Variants in COL14A1 observed in about 807,000 individuals in gnomAD.
COL14A1 encodes the protein collagen type XIV alpha 1 chain, also known as collagen alpha-1(XIV) chain.
In COL14A1, 136 loss-of-function variants were observed where a neutral mutation model predicts 230.3. That is an observed-to-expected ratio of 0.59 (90% CI 0.51 to 0.68). The LOEUF (loss-of-function observed/expected upper bound fraction) is 0.68. Among genes scored for constraint, COL14A1 ranks in the 30% least tolerant of loss-of-function variants. The probability of loss-of-function intolerance (pLI) is 0.00; values close to 1 mark genes in which losing one functional copy is unlikely to be tolerated. For synonymous variants in COL14A1, 792 were observed against 784.1 expected, an observed-to-expected ratio of 1.01 and a Z score of -0.17; for missense variants, 1,976 against 2,215.8, an observed-to-expected ratio of 0.89 and a Z score of 2.17.
At chr8:120,325,035 G>A (rs1821610594) in intron 40 of COL14A1, among the ~76,000 whole-genome samples, 1 of 152,020 alleles carries the variant, frequency 6.6e-6, no homozygotes, top group South Asian at 2.1e-4. Context: ...GTTAAGAAAT[G>A]TTTAATTAAA....
intron 14 of COL14A1, among the ~76,000 whole-genome samples, chr8:120,224,744 T>C (rs1818042042): frequency 6.6e-6 from 1 of 152,218 alleles, no homozygotes; most frequent in African/African-American, 2.4e-5. Flanking sequence ...TACTTAGCTA[T>C]GGGGCCAGGA....
chr8:120,252,389 A>T (rs1334232910), intron 22 of COL14A1, among the ~76,000 whole-genome samples: 2 of 152,150 alleles, frequency 1.3e-5, no homozygotes, highest in African/African-American at 4.8e-5. Flanking sequence ...ATCACTCAAA[A>T]TTTTTAATCA....
At chr8:120,303,148 T>A (rs1042810897) in intron 36 of COL14A1, among the ~76,000 whole-genome samples, 6 of 152,160 alleles carry the variant, frequency 3.9e-5, no homozygotes, top group Non-Finnish European at 5.9e-5. Flanking sequence ...GCTAAGATGA[T>A]GGGGTTTTCT....
chr8:120,224,082 A>T (rs140106356), intron 14 of COL14A1, among the ~76,000 whole-genome samples: 1,556 of 125,360 alleles, frequency 0.012, 21 homozygotes, highest in African/African-American at 0.045. Context: ...GCTGGAGTGC[A>T]GTGGCATGAT....
intron 5 of COL14A1, among the ~76,000 whole-genome samples, chr8:120,194,545 T>G (rs1816959952): frequency 6.6e-6 from 1 of 152,228 alleles, no homozygotes; most frequent in East Asian, 1.9e-4. Context: ...TAGTTCTATA[T>G]CTTGTTTAGG....
chr8:120,197,725 C>CT (rs1817086572), intron 6 of COL14A1, 86 bp from the exon 7 acceptor site: 1 of 1,468,130 alleles, frequency 6.8e-7, no homozygotes, highest in Non-Finnish European at 9.2e-7. Context: ...AAGATGAGGC[C>CT]TTTCGTCATT....
intron 19 of COL14A1, among the ~76,000 whole-genome samples, chr8:120,236,679 T>C (rs2130832327): frequency 6.6e-6 from 1 of 152,334 alleles, no homozygotes; most frequent in Non-Finnish European, 1.5e-5. Flanking sequence ...GCTGGTTATT[T>C]AGCCCATTAG....
At chr8:120,350,655 G>A (rs915833416) in intron 45 of COL14A1, among the ~76,000 whole-genome samples, 2 of 147,474 alleles carry the variant, frequency 1.4e-5, no homozygotes, top group African/African-American at 2.5e-5. Flanking sequence ...ATTACATAAT[G>A]GTAAAGGGAT....
chr8:120,303,859 A>G (rs963645951), intron 36 of COL14A1, among the ~76,000 whole-genome samples: 46 of 151,922 alleles, frequency 3.0e-4, no homozygotes, highest in Non-Finnish European at 4.9e-4. Flanking sequence ...CTGTGAATCC[A>G]TCTGGCCCTG....
intron 25 of COL14A1, among the ~76,000 whole-genome samples, chr8:120,269,602 T>G (rs1035124476): frequency 6.6e-6 from 1 of 151,796 alleles, no homozygotes; most frequent in African/African-American, 2.4e-5. Flanking sequence ...ATTGAATCTC[T>G]CTGACATTAA....
At chr8:120,185,110 T>C (rs1302827375) in intron 5 of COL14A1, among the ~76,000 whole-genome samples, 1 of 152,176 alleles carries the variant, frequency 6.6e-6, no homozygotes, top group Non-Finnish European at 1.5e-5. Context: ...GGCAGGCATC[T>C]GTCAGGGAGG....
intron 1 of COL14A1, among the ~76,000 whole-genome samples, chr8:120,145,634 C>T (rs775748259): frequency 3.3e-5 from 5 of 152,034 alleles, no homozygotes; most frequent in Admixed American, 2.0e-4. Flanking sequence ...AACAAACAAA[C>T]AAACAAACAA....
Position 120,255,364 on chromosome 8 carries a change from C to T in COL14A1, c.2869+8C>T. On this transcript the variant is annotated splice_region_variant and intron_variant, in intron 23 of 47. Coordinates refer to ENST00000297848, the MANE Select transcript of COL14A1 (RefSeq NM_021110.4). ...TTATAGAATCCCTCCAGGGTGAGTA[C>T]AATCCATCACTTACGTTTTTGTCAA... The T allele has an allele frequency of 6.3e-7, 1 of 1,578,360 alleles. No homozygotes were observed. Among genetic ancestry groups the T allele is most frequent in the Non-Finnish European group, 8.7e-7 (1 of 1,147,424 alleles).
At chr8:120,151,378 C>T (rs997981176) in intron 2 of COL14A1, among the ~76,000 whole-genome samples, 1 of 151,968 alleles carries the variant, frequency 6.6e-6, no homozygotes, top group East Asian at 1.9e-4. Context: ...TGGTGGCTCA[C>T]GTCTATAATC....
At chr8:120,130,227 A>G (rs1033313483) in intron 1 of COL14A1, among the ~76,000 whole-genome samples, 2 of 152,252 alleles carry the variant, frequency 1.3e-5, no homozygotes, top group Admixed American at 6.5e-5. Context: ...CGAAGGAAGC[A>G]AAAGAATACA....
At chr8:120,286,855 C>T (rs1013085807) in intron 33 of COL14A1, among the ~76,000 whole-genome samples, 3 of 152,154 alleles carry the variant, frequency 2.0e-5, no homozygotes, top group African/African-American at 7.2e-5. Context: ...TAACTATGTT[C>T]CTTAACATTT....
rs78967334 is a variant in COL14A1 at position 120,129,382 on chromosome 8, G to A, written c.-38+4042G>A. Among the ~76,000 whole-genome samples the A allele has an allele frequency of 8.5e-3, 1,296 of 152,184 alleles. 23 individuals carry two copies. Among genetic ancestry groups the A allele is most frequent in the African/African-American group, 0.03 (1,233 of 41,500 alleles). On this transcript the variant is annotated intron_variant, in intron 1 of 47. Coordinates refer to ENST00000297848, the MANE Select transcript of COL14A1 (RefSeq NM_021110.4). ...ACAGTCTCCCATTTCTTTGACAGAT[G>A]AACTATGTCAGTGTTTGAAAAAAAT...
intron 5 of COL14A1, among the ~76,000 whole-genome samples, chr8:120,176,311 C>G (rs1037763026): frequency 3.3e-5 from 5 of 152,150 alleles, no homozygotes; most frequent in Non-Finnish European, 7.3e-5. Context: ...CTTACATAAT[C>G]TAGCAGGGCT....
intron 22 of COL14A1, among the ~76,000 whole-genome samples, chr8:120,251,721 T>C (rs896085594): frequency 2.0e-5 from 3 of 152,170 alleles, no homozygotes; most frequent in Non-Finnish European, 4.4e-5. Flanking sequence ...AAAATCAGTA[T>C]TTTTATTTTT....
Sources: allele counts gnomAD v4.1 joint callset (sites outside exome capture counted in the v4.1 genomes callset), GRCh38; gene constraint gnomAD v4.1.1; transcripts MANE v1.5; gene names NCBI Gene and HGNC (gene_info 2026-07-23, HGNC 2026-07-21).